The following TARM1 variants were observed in gnomAD, a reference collection of about 807,000 sequenced individuals.
TARM1 encodes T-cell-interacting, activating receptor on myeloid cells protein 1.
TARM1 carries 24 observed loss-of-function variants against 30.4 expected under a neutral mutation model. The observed-to-expected ratio is 0.79, with a 90% CI of 0.57 to 1.11. The LOEUF is 1.11. Among genes scored for constraint, TARM1 ranks in the 50% least tolerant of loss-of-function variants. TARM1 has a pLI of 0.00. For synonymous variants in TARM1, 129 were observed against 138.9 expected (o/e 0.93, Z 0.50); for missense variants, 323 against 332.8 (o/e 0.97, Z 0.23).
rs2146210668 is a variant in TARM1 at position 54,074,055 on chromosome 19, C to A, written c.523G>T (p.Ala175Ser). 3 of 1,551,696 alleles carry A rather than the reference C, an allele frequency of 1.9e-6. No individual in the cohort carries two copies. Among genetic ancestry groups the A allele is most frequent in the African/African-American group, 2.7e-5 (2 of 73,166 alleles). Residue 175 changes from alanine to serine, a missense_variant, in exon 4 of 5, where the codon GCG becomes TCG. Ala to Ser is a moderately conservative substitution (Grantham distance 99). Coordinates refer to ENST00000432826, the MANE Select transcript of TARM1 (RefSeq NM_001135686.3). ...AGAGAGAAGTCTATCTCCTTCCCCG[C>A]TGGACTCTGCAGCTGGATGGGTGAT... Reference protein sequence around the residue: ...TPSPIQLQSPAGKEIDFSLVD... With the variant: ...TPSPIQLQSPSGKEIDFSLVD...
chr19:54,070,079 A>T lies in TARM1; in HGVS notation c.740T>A (p.Met247Lys). Residue 247 changes from methionine to lysine, a missense_variant, in exon 5 of 5, where the codon ATG becomes AAG. Physicochemically the swap from Met to Lys is moderately conservative, Grantham distance 95 (BLOSUM62 -1). Transcript: ENST00000432826. ...LGLAAVIVVI[M>K]GAFLVEAWYS... ...CCAGGCCTCCACCAGGAAAGCTCCC[A>T]TGATAACCACAATTACGGCAGCCAG... 6.4e-7 allele frequency: 1 copy of T among 1,551,664 alleles called. No individual in the cohort carries two copies. The highest frequency in any genetic ancestry group is 1.2e-5 in the South Asian group (1 of 84,062).
At chr19:54,080,126 AGG>A (rs2072071675) in intron 1 of TARM1, among the ~76,000 whole-genome samples, 6 of 52,478 alleles carry the variant, frequency 1.1e-4, no homozygotes, top group Admixed American at 3.8e-4. Flanking sequence ...GAAGGAAGGA[AGG>A]AAGGAAGGAA....
At chr19:54,072,883 CAGG>C (rs2071846509) in intron 4 of TARM1, among the ~76,000 whole-genome samples, 1 of 152,030 alleles carries the variant, frequency 6.6e-6, no homozygotes, top group African/African-American at 2.4e-5. Context: ...GTGGCTGAGG[CAGG>C]AGAATTGCTT....
chr19:54,076,477 C>G (rs1482976348), intron 1 of TARM1: 1 of 413,460 alleles, frequency 2.4e-6, no homozygotes, highest in Non-Finnish European at 4.3e-6. Context: ...ATTCTCCTGC[C>G]TCAGCCTCCC....
intron 4 of TARM1, among the ~76,000 whole-genome samples, chr19:54,071,238 C>A (rs60755945): frequency 0.29 from 44,476 of 151,720 alleles, 6,696 homozygotes; most frequent in Middle Eastern, 0.34. Context: ...GATTACAGGC[C>A]TGAGCCACCG....
intron 4 of TARM1, 139 bp downstream of exon 4, chr19:54,073,781 C>G: frequency 4.4e-6 from 5 of 1,134,590 alleles, no homozygotes; most frequent in Non-Finnish European, 6.2e-6. Context: ...GCATGAGCCA[C>G]CACGCCAGGC....
At chr19:54,077,307 G>C (rs1262709513) in intron 1 of TARM1, among the ~76,000 whole-genome samples, 1 of 151,750 alleles carries the variant, frequency 6.6e-6, no homozygotes, top group Non-Finnish European at 1.5e-5. Flanking sequence ...TTGAACCCAG[G>C]AGGCAGAGTT....
At chr19:54,075,742 G>A (rs2071934246) in intron 2 of TARM1, 141 bp downstream of exon 2, 14 of 918,818 alleles carry the variant, frequency 1.5e-5, no homozygotes, top group East Asian at 5.3e-5. Flanking sequence ...GCTGTAAGCC[G>A]AGATTGCACC....
chr19:54,071,748 C>T (rs2071817540), intron 4 of TARM1, among the ~76,000 whole-genome samples: 1 of 151,666 alleles, frequency 6.6e-6, no homozygotes, highest in Admixed American at 6.6e-5. Flanking sequence ...TGACCTGGGC[C>T]TGGGGTTGGG....
chr19:54,080,116 G>GAAAGAAAGA (rs2072068828), intron 1 of TARM1, among the ~76,000 whole-genome samples: 3 of 28,860 alleles, frequency 1.0e-4, no homozygotes, highest in East Asian at 1.7e-3. Flanking sequence ...AGGAAGGAAG[G>GAAAGAAAGA]AAGGAAGGAA....
At chr19:54,071,460 C>T (rs1487858010) in intron 4 of TARM1, among the ~76,000 whole-genome samples, 1 of 152,148 alleles carries the variant, frequency 6.6e-6, no homozygotes, top group Non-Finnish European at 1.5e-5. Context: ...TACAGAGCCC[C>T]GAATTCCGTG....
chr19:54,076,559 C>T (rs1344477437), intron 1 of TARM1: 21 of 231,976 alleles, frequency 9.1e-5, no homozygotes, highest in Non-Finnish European at 1.3e-4. Context: ...GACAGGGTTT[C>T]ACCATATTGG....
intron 4 of TARM1, among the ~76,000 whole-genome samples, chr19:54,073,616 C>G (rs587601148): frequency 1.3e-4 from 19 of 151,818 alleles, no homozygotes; most frequent in African/African-American, 4.3e-4. Context: ...GCCTCAGCCT[C>G]CCAAGTAGCT....
At chr19:54,072,454 G>C (rs1174188760) in intron 4 of TARM1, among the ~76,000 whole-genome samples, 9 of 152,066 alleles carry the variant, frequency 5.9e-5, no homozygotes, top group African/African-American at 2.2e-4. Context: ...GGTAGACTTC[G>C]CATCCACGGC....
chr19:54,075,417 C>T (rs1482183563), intron 2 of TARM1, among the ~76,000 whole-genome samples: 2 of 151,672 alleles, frequency 1.3e-5, no homozygotes, highest in Non-Finnish European at 2.9e-5. Flanking sequence ...AACTCCTGAC[C>T]TCAGGTGATC....
intron 1 of TARM1, chr19:54,076,459 T>G: frequency 3.1e-5 from 13 of 418,754 alleles, no homozygotes; most frequent in East Asian, 9.1e-5. Flanking sequence ...GCCTCCCGGG[T>G]TCAAGTGATT....
In TARM1 at chr19:54,074,046, C is replaced by G. The variant is rs374374370; in HGVS notation, c.532G>C (p.Glu178Gln). Reference protein sequence around the residue: ...PIQLQSPAGKEIDFSLVDVTA... With the variant: ...PIQLQSPAGKQIDFSLVDVTA... ...ACGTCCACCAGAGAGAAGTCTATCT[C>G]CTTCCCCGCTGGACTCTGCAGCTGG... Residue 178 changes from glutamate (E) to glutamine (Q), a missense_variant, in exon 4 of 5, where the codon GAG becomes CAG. Transcript: ENST00000432826. 1 of 1,551,708 alleles carries G rather than the reference C, an allele frequency of 6.4e-7. No individual in the cohort carries two copies. Among genetic ancestry groups the G allele is most frequent in the East Asian group, 2.4e-5 (1 of 40,922 alleles).
chr19:54,077,309 G>A (rs2071980865), intron 1 of TARM1, among the ~76,000 whole-genome samples: 1 of 151,862 alleles, frequency 6.6e-6, no homozygotes, highest in Non-Finnish European at 1.5e-5. Flanking sequence ...GAACCCAGGA[G>A]GCAGAGTTTG....
At chr19:54,076,836 C>G (rs1028253478) in intron 1 of TARM1, among the ~76,000 whole-genome samples, 2 of 151,964 alleles carry the variant, frequency 1.3e-5, no homozygotes, top group Non-Finnish European at 2.9e-5. Flanking sequence ...CACCACCACA[C>G]CCGGCTAATT....
Sources: allele counts gnomAD v4.1 joint callset (sites outside exome capture counted in the v4.1 genomes callset), GRCh38; gene constraint gnomAD v4.1.1; transcripts MANE v1.5; gene names NCBI Gene and HGNC (gene_info 2026-07-23, HGNC 2026-07-21).